The following CTIF variants were observed in gnomAD, a reference collection of about 807,000 sequenced individuals.
CTIF encodes cap binding complex dependent translation initiation factor, also known as CBP80/20-dependent translation initiation factor.
CTIF carries 21 observed loss-of-function variants against 66.0 expected under a neutral mutation model. That is an observed-to-expected ratio of 0.32 (90% CI 0.23 to 0.46). The LOEUF is 0.46. Ranked by LOEUF, CTIF falls within the 20% of genes least tolerant of loss-of-function variation. The pLI is 1.00. For missense variants in CTIF, 739 were observed against 812.7 expected (o/e 0.91, Z 1.10); for synonymous variants, 345 against 326.4 (o/e 1.06, Z -0.62).
intron 10 of CTIF, among the ~76,000 whole-genome samples, chr18:48,851,702 C>A (rs1322076243): frequency 6.6e-6 from 1 of 152,158 alleles, no homozygotes; most frequent in Non-Finnish European, 1.5e-5. Flanking sequence ...ACTGTGTCAG[C>A]CAGCGACATC....
chr18:48,651,498 C>T (rs551091643), intron 3 of CTIF, among the ~76,000 whole-genome samples: 70 of 152,310 alleles, frequency 4.6e-4, no homozygotes, highest in Non-Finnish European at 8.5e-4. Flanking sequence ...CCCACTTAGA[C>T]TCCCACACAA....
chr18:48,848,495 G>C (rs923226263), intron 10 of CTIF, among the ~76,000 whole-genome samples: 18 of 152,246 alleles, frequency 1.2e-4, no homozygotes, highest in Non-Finnish European at 4.4e-5. Flanking sequence ...GTAGAAGGCT[G>C]TGCTGTGGGT....
Position 48,764,346 on chromosome 18 carries a change from T to A in CTIF, c.1371+2657T>A, listed in dbSNP as rs892515205. Among the ~76,000 whole-genome samples, 5 of 152,188 alleles carry A rather than the reference T, an allele frequency of 3.3e-5. No individual in the cohort carries two copies. In the East Asian group the frequency reaches 9.6e-4, roughly 29 times the overall value. ...CTTAAAAGGTTTGCAGTGAAGGAGT[T>A]GAACTTAAACCAATGGCCACATGAA... On this transcript the variant is annotated intron_variant, in intron 9 of 11. Transcript: ENST00000256413.
chr18:48,635,568 C>A (rs1381607035), intron 2 of CTIF, among the ~76,000 whole-genome samples: 1 of 152,058 alleles, frequency 6.6e-6, no homozygotes, highest in Admixed American at 6.5e-5. Context: ...TTCAAGTGAT[C>A]TCCTGTCTTG....
chr18:48,761,972 G>T lies in CTIF; in HGVS notation c.1371+283G>T, dbSNP rs1189331249. On this transcript the variant is annotated intron_variant, in intron 9 of 11. Coordinates refer to ENST00000256413, the MANE Select transcript of CTIF (RefSeq NM_014772.3). The surrounding 1 kb of genome is among the most constrained non-coding windows in gnomAD (Gnocchi z 4.2). ...TTCCCACTTTCTATTTTCATAAGAG[G>T]CTGGCTCTTGGTCTCAACCTGGCTA... Among the ~76,000 whole-genome samples, 5 of 152,194 alleles carry T rather than the reference G, an allele frequency of 3.3e-5. No homozygotes were observed. Among genetic ancestry groups the T allele is most frequent in the African/African-American group, 1.2e-4 (5 of 41,436 alleles).
chr18:48,739,776 CT>C (rs1228098947), intron 7 of CTIF, among the ~76,000 whole-genome samples: 1 of 152,208 alleles, frequency 6.6e-6, no homozygotes, highest in African/African-American at 2.4e-5. Context: ...TCACAAATTC[CT>C]TTAGTAATTC....
intron 7 of CTIF, among the ~76,000 whole-genome samples, chr18:48,738,310 C>T (rs2092522180): frequency 6.6e-6 from 1 of 152,162 alleles, no homozygotes; most frequent in Non-Finnish European, 1.5e-5. Context: ...TATCTTTGAT[C>T]TCACCTTTTT....
chr18:48,639,430 G>A (rs949876013), intron 3 of CTIF, among the ~76,000 whole-genome samples: 106 of 152,242 alleles, frequency 7.0e-4, no homozygotes, highest in African/African-American at 2.4e-3. Context: ...CATGAGATGG[G>A]GCCCAGGGGG....
intron 1 of CTIF, among the ~76,000 whole-genome samples, chr18:48,564,403 C>T (rs988977139): frequency 2.6e-5 from 4 of 152,150 alleles, no homozygotes; most frequent in Non-Finnish European, 4.4e-5. Flanking sequence ...CTGCTGCAGG[C>T]GGCCTTCGCT....
At chr18:48,824,549 G>A (rs949268538) in intron 10 of CTIF, among the ~76,000 whole-genome samples, 3 of 152,048 alleles carry the variant, frequency 2.0e-5, no homozygotes, top group East Asian at 3.8e-4. Context: ...ATCATTGAAT[G>A]CCTCTCTCTG....
intron 7 of CTIF, among the ~76,000 whole-genome samples, chr18:48,734,116 A>G (rs1368354495): frequency 6.6e-6 from 1 of 152,218 alleles, no homozygotes; most frequent in Non-Finnish European, 1.5e-5. Flanking sequence ...CAGCATGGGA[A>G]CTTCCTGTAG....
chr18:48,663,648 T>C, intron 3 of CTIF, 104 bp from the exon 4 acceptor site: 3 of 1,024,710 alleles, frequency 2.9e-6, no homozygotes, highest in Non-Finnish European at 4.6e-6. Flanking sequence ...CCATACTCAC[T>C]TGGGGGCTCA....
chr18:48,681,813 T>C (rs779712677), intron 6 of CTIF, among the ~76,000 whole-genome samples: 10 of 151,828 alleles, frequency 6.6e-5, no homozygotes, highest in Non-Finnish European at 1.2e-4. Flanking sequence ...GAGATGGTGT[T>C]TCACTCTTGT....
chr18:48,837,355 C>T (rs541210381), intron 10 of CTIF, among the ~76,000 whole-genome samples: 64 of 152,090 alleles, frequency 4.2e-4, no homozygotes, highest in African/African-American at 1.5e-3. Context: ...CACACATCCC[C>T]ACTCAGAGGA....
intron 6 of CTIF, among the ~76,000 whole-genome samples, chr18:48,694,905 C>T (rs1365878585): frequency 6.6e-6 from 1 of 152,236 alleles, no homozygotes; most frequent in Non-Finnish European, 1.5e-5. Context: ...GATTTTTCTG[C>T]ATGCAAGCAG....
At chr18:48,696,604 A>G (rs2092012884) in intron 6 of CTIF, among the ~76,000 whole-genome samples, 1 of 152,040 alleles carries the variant, frequency 6.6e-6, no homozygotes, top group African/African-American at 2.4e-5. Context: ...AGCATTTCCC[A>G]TTTGGGTTCA....
intron 3 of CTIF, among the ~76,000 whole-genome samples, chr18:48,643,064 C>G (rs981891285): frequency 2.6e-5 from 4 of 152,206 alleles, no homozygotes; most frequent in Admixed American, 6.5e-5. Context: ...CATGCCCTAT[C>G]TCTAGTAGCA....
At chr18:48,595,738 T>C (rs2089977443) in intron 1 of CTIF, among the ~76,000 whole-genome samples, 2 of 152,232 alleles carry the variant, frequency 1.3e-5, no homozygotes, top group Admixed American at 6.5e-5. Context: ...TCATGGTTTA[T>C]GCTGGTAAAG....
intron 6 of CTIF, chr18:48,683,065 A>T (rs2091774563): frequency 6.6e-6 from 1 of 152,252 alleles, no homozygotes; most frequent in South Asian, 2.1e-4. Flanking sequence ...AGAGGCCGAC[A>T]GGGAGAGGAG....
Sources: allele counts gnomAD v4.1 joint callset (sites outside exome capture counted in the v4.1 genomes callset), GRCh38; gene constraint gnomAD v4.1.1; non-coding constraint Gnocchi (gnomAD v3.1); transcripts MANE v1.5; gene names NCBI Gene and HGNC (gene_info 2026-07-23, HGNC 2026-07-21).